Variants in SSH1 observed in about 807,000 individuals in gnomAD.
SSH1 encodes protein phosphatase Slingshot homolog 1.
Under a neutral mutation model 79.7 loss-of-function variants are expected in SSH1, and 43 were observed. The ratio of observed to expected loss-of-function variants is 0.54; its 90% CI spans 0.42 to 0.70. SSH1 has a LOEUF of 0.70. Ranked by LOEUF, SSH1 falls within the 30% of genes least tolerant of loss-of-function variation. The pLI, the probability that SSH1 is intolerant of heterozygous loss-of-function variation, is 0.00. For missense variants in SSH1, 1,206 were observed against 1,358.8 expected, an observed-to-expected ratio of 0.89 and a Z score of 1.77; for synonymous variants, 599 against 538.3, an observed-to-expected ratio of 1.11 and a Z score of -1.56.
At chr12:108,839,092 T>C (rs1003116975) in intron 2 of SSH1, among the ~76,000 whole-genome samples, 10 of 152,240 alleles carry the variant, frequency 6.6e-5, no homozygotes, top group Admixed American at 2.6e-4. Context: ...ATAAGGACTC[T>C]TTTTGACTCC....
At chr12:108,824,317 G>A (rs1431185875) in intron 2 of SSH1, among the ~76,000 whole-genome samples, 1 of 152,072 alleles carries the variant, frequency 6.6e-6, no homozygotes, top group Non-Finnish European at 1.5e-5. Context: ...GGTGGCACAT[G>A]CCTGTAATCC....
rs1031565853 is a variant in SSH1 at position 108,800,372 on chromosome 12, C to T, written c.1148+408G>A. On this transcript the variant is annotated intron_variant, in intron 12 of 14. Transcript: ENST00000326495. ...GAGACAGTCCCAAAGAAGCTCTAAG[C>T]CCGTGTCCGTGCATGTCATCCCCTA... is the stretch of plus-strand genomic sequence containing the variant. Among the ~76,000 whole-genome samples the T allele has an allele frequency of 1.1e-4, 16 of 152,266 alleles. No homozygotes were observed. The East Asian group carries it at 2.9e-3, about 28-fold the overall frequency.
chr12:108,788,357 G>A lies in SSH1; in HGVS notation c.2781C>T (p.Ser927=), dbSNP rs1429865259. ...KTICYTPTSS[S]MSSNLTRSSS... is the part of the protein sequence containing the mutation. ...AGCTCCGGGTCAGGTTGGAGCTCAT[G>A]GAAGAGGAGGTGGGGGTGTAGCAGA... The change falls in exon 15 of 15, where the codon TCC becomes TCT. Residue 927 remains serine, a synonymous_variant. Transcript: ENST00000326495. 9 of 1,613,208 alleles carry A rather than the reference G, an allele frequency of 5.6e-6. No individual in the cohort carries two copies. Among genetic ancestry groups the A allele is most frequent in the Non-Finnish European group, 7.6e-6 (9 of 1,179,960 alleles).
At chr12:108,823,163 G>A (rs2137189007) in intron 3 of SSH1, 95 bp downstream of exon 3, 1 of 1,211,816 alleles carries the variant, frequency 8.3e-7, no homozygotes, top group East Asian at 2.5e-5. Context: ...CTATGTCTAA[G>A]GCCTTCAAAC....
At chr12:108,797,638 A>G (rs2036811520) in intron 13 of SSH1, among the ~76,000 whole-genome samples, 1 of 152,206 alleles carries the variant, frequency 6.6e-6, no homozygotes, top group African/African-American at 2.4e-5. Flanking sequence ...GATGTCGGAG[A>G]GAGTGGCAGC....
At chr12:108,790,932 C>G (rs780973983) in intron 14 of SSH1, among the ~76,000 whole-genome samples, 19 of 152,144 alleles carry the variant, frequency 1.2e-4, no homozygotes, top group Non-Finnish European at 2.5e-4. Context: ...ATCACTTCCC[C>G]CATGGAGGAG....
chr12:108,811,425 C>T (rs558942726), intron 5 of SSH1, 97 bp from the exon 6 acceptor site: 13 of 1,094,082 alleles, frequency 1.2e-5, no homozygotes, highest in South Asian at 5.0e-5. Flanking sequence ...GGCTGTTGGA[C>T]GTACGTGTGG....
chr12:108,809,938 GAC>G (rs1431230778), intron 6 of SSH1, among the ~76,000 whole-genome samples, 180 bp from the exon 7 acceptor site: 2 of 152,172 alleles, frequency 1.3e-5, no homozygotes, highest in Non-Finnish European at 2.9e-5. Flanking sequence ...GGCAGAAAGA[GAC>G]ACATTCCCAG....
intron 5 of SSH1, among the ~76,000 whole-genome samples, chr12:108,816,300 T>C (rs1252911954): frequency 6.6e-6 from 1 of 152,238 alleles, no homozygotes; most frequent in Non-Finnish European, 1.5e-5. Flanking sequence ...GCCTAGCCCA[T>C]TGCCTCATAC....
Position 108,785,617 on chromosome 12 carries a change from T to G in SSH1, c.*2371A>C, listed in dbSNP as rs537388329. Reference sequence around the variant, plus strand: ...TGCTAGCTGTGCTTCCAAAAATGAATGGGTAAGTTTGCCAGAAGCCAAAGA... The same window carrying G: ...TGCTAGCTGTGCTTCCAAAAATGAAGGGGTAAGTTTGCCAGAAGCCAAAGA... On this transcript the variant is annotated 3_prime_UTR_variant, in exon 15 of 15. Transcript: ENST00000326495. 1.3e-5 allele frequency: 2 copies of G among 152,286 alleles called. No homozygotes were observed. The highest frequency in any genetic ancestry group is 2.1e-4 in the South Asian group (1 of 4,824). The allele number at this position is 152,286 out of a possible 1,614,324, so 9.4% of individuals were successfully genotyped here.
At chr12:108,801,575 G>A (rs1293333875) in intron 11 of SSH1, among the ~76,000 whole-genome samples, 2 of 152,062 alleles carry the variant, frequency 1.3e-5, no homozygotes, top group Non-Finnish European at 2.9e-5. Flanking sequence ...GAAGAGTATG[G>A]CCTTACGTTT....
chr12:108,853,037 G>A (rs766324571), intron 1 of SSH1: 365 of 985,366 alleles, frequency 3.7e-4, no homozygotes, highest in Non-Finnish European at 4.2e-4. Flanking sequence ...CTTTTAAGGG[G>A]AGGGGGTCAT....
At chr12:108,810,777 C>T (rs893599723) in intron 6 of SSH1, among the ~76,000 whole-genome samples, 15 of 152,242 alleles carry the variant, frequency 9.9e-5, no homozygotes, top group African/African-American at 3.4e-4. Flanking sequence ...CATCCCCCGA[C>T]TGCCTGCCCG....
chr12:108,830,625 T>A (rs1157473991), intron 2 of SSH1, among the ~76,000 whole-genome samples: 3 of 152,024 alleles, frequency 2.0e-5, no homozygotes, highest in Non-Finnish European at 4.4e-5. Context: ...GTGATGTGAT[T>A]AGGTGCAATA....
In SSH1 at chr12:108,788,006, C is replaced by G. The variant is rs61739299; in HGVS notation, c.3132G>C (p.Ser1044=). The G allele has an allele frequency of 1.6e-3, 2,590 of 1,614,094 alleles. 46 individuals carry two copies. The African/African-American group carries it at 0.032, about 20-fold the overall frequency. Residue 1044 remains serine, a synonymous_variant, in exon 15 of 15, where the codon TCG becomes TCC. Transcript: ENST00000326495. ...AGGCGGGTCAGCTTTTGCTCATCCA[C>G]GAAGGGCTCTTTAAGTTTTCTGGGG... ...KPAPENLKSP[S]WMSKS
chr12:108,824,464 AAAAGAAAGAAAG>A (rs527807719), intron 2 of SSH1, among the ~76,000 whole-genome samples: 1 of 151,166 alleles, frequency 6.6e-6, no homozygotes, highest in South Asian at 2.1e-4. Context: ...CAAAAAAAAA[AAAAGAAAGAAAG>A]AAAGAAAGAA....
At chr12:108,804,587 G>A (rs1434142348) in intron 10 of SSH1, among the ~76,000 whole-genome samples, 2 of 152,178 alleles carry the variant, frequency 1.3e-5, no homozygotes, top group African/African-American at 2.4e-5. Context: ...CAAGCTCAGC[G>A]GGAGCTCCGT....
Position 108,807,717 on chromosome 12 carries a change from G to T in SSH1, c.647C>A (p.Ser216Tyr). The T allele has an allele frequency of 6.2e-7, 1 of 1,613,272 alleles. No individual in the cohort carries two copies. Among genetic ancestry groups the T allele is most frequent in the Non-Finnish European group, 8.5e-7 (1 of 1,179,502 alleles). The change falls in exon 8 of 15, where the codon TCC becomes TAC. Residue 216 changes from serine (S) to tyrosine (Y), a missense_variant. Ser to Tyr is a moderately radical substitution (Grantham distance 144). Transcript: ENST00000326495. The surrounding 1 kb of genome is among the most constrained non-coding windows in gnomAD (Gnocchi z 5.2). ...WATYYESCISSEQSCINEWNA... is the reference protein window; with the variant it reads ...WATYYESCISYEQSCINEWNA... The stretch of plus-strand genomic sequence containing the variant: ...CCACTCGTTGATGCAGCTCTGCTCG[G>T]AGCTGATGCAGCTCTCATAGTAGGT...
intron 3 of SSH1, among the ~76,000 whole-genome samples, chr12:108,821,460 T>C (rs368106215): frequency 1.3e-5 from 2 of 151,876 alleles, no homozygotes; most frequent in Admixed American, 6.6e-5. Flanking sequence ...TGTATTGTAC[T>C]AGAAGTCATC....
Sources: gnomAD v4.1 joint callset for allele counts (sites outside exome capture counted in the v4.1 genomes callset) on GRCh38, gnomAD v4.1.1 for gene constraint, Gnocchi (gnomAD v3.1) non-coding constraint, MANE v1.5 for transcripts, NCBI Gene and HGNC (gene_info 2026-07-23, HGNC 2026-07-21) for gene names.